Variants in LCORL observed in about 807,000 individuals in gnomAD.
LCORL encodes ligand dependent nuclear receptor corepressor like, also known as ligand-dependent nuclear receptor corepressor-like protein.
LCORL carries 41 observed loss-of-function variants against 141.8 expected under a neutral mutation model. The ratio of observed to expected loss-of-function variants is 0.29; its 90% CI spans 0.23 to 0.38. The LOEUF is 0.38. LCORL is among the 10% of genes least tolerant of loss of function. The pLI, the probability that LCORL is intolerant of heterozygous loss-of-function variation, is 1.00. For synonymous variants in LCORL, 618 were observed against 694.1 expected (o/e 0.89, Z 1.72); for missense variants, 1,759 against 2,035.0 (o/e 0.86, Z 2.61).
At chr4:17,875,089 T>G in exon 7 of LCORL, 2 of 1,233,678 alleles carry the variant, frequency 1.6e-6, no homozygotes, top group Non-Finnish European at 2.0e-6. Flanking sequence ...TCCATTTGAG[T>G]GCACTGTTGG....
In LCORL at chr4:17,867,864, T is replaced by C. The variant is rs578099642; in HGVS notation, c.5602+5524A>G. On this transcript the variant is annotated intron_variant, in intron 7 of 7. Coordinates refer to ENST00000635767, the Ensembl canonical transcript of LCORL. ...AACATCAAGACAAAGATTGTTTACC[T>C]GTTTTACATTTTCACAAAATATTAT... Among the ~76,000 whole-genome samples the C allele has an allele frequency of 7.0e-4, 106 of 152,336 alleles. No homozygotes were observed. In the Middle Eastern group the frequency reaches 0.01, roughly 15 times the overall value.
chr4:17,877,127 G>A (rs974122172), exon 7 of LCORL: 2 of 1,230,802 alleles, frequency 1.6e-6, no homozygotes. Context: ...TTCTAAACAT[G>A]GGTGAATCAG....
At chr4:17,976,759 A>G (rs1717069994) in intron 1 of LCORL, among the ~76,000 whole-genome samples, 1 of 152,158 alleles carries the variant, frequency 6.6e-6, no homozygotes, top group East Asian at 1.9e-4. Context: ...GTAGGTTGAC[A>G]GTTTTGGTAC....
exon 8 of LCORL, chr4:17,842,696 C>T: frequency 3.8e-6 from 1 of 263,074 alleles, no homozygotes; most frequent in South Asian, 4.8e-5. Context: ...TATTTGGGTT[C>T]TCTACACTTA....
chr4:17,949,770 G>C (rs1739435916), intron 4 of LCORL, among the ~76,000 whole-genome samples: 1 of 152,088 alleles, frequency 6.6e-6, no homozygotes, highest in African/African-American at 2.4e-5. Context: ...CTCAGCTGAA[G>C]AAGGCAATGA....
At chr4:17,989,754 C>A (rs908072632) in intron 1 of LCORL, among the ~76,000 whole-genome samples, 1 of 152,212 alleles carries the variant, frequency 6.6e-6, no homozygotes, top group African/African-American at 2.4e-5. Flanking sequence ...TAACAAAAGA[C>A]CACAAACTGT....
chr4:17,909,612 A>C (rs1732178017), intron 4 of LCORL, among the ~76,000 whole-genome samples: 1 of 152,168 alleles, frequency 6.6e-6, no homozygotes, highest in Non-Finnish European at 1.5e-5. Context: ...AAAGAATTAG[A>C]CATAGAAGCG....
In LCORL at chr4:17,940,300, C is replaced by G. The variant is rs865853298; in HGVS notation, c.430+21603G>C. On this transcript the variant is annotated intron_variant, in intron 4 of 7. Coordinates refer to ENST00000635767, the Ensembl canonical transcript of LCORL. ...AAGATTAAATAGTAAAGGAGGTAAA[C>G]AGAATTCTTAACTATTTTGTGCAAG... Among the ~76,000 whole-genome samples the G allele has an allele frequency of 2.7e-5, 4 of 148,430 alleles. No homozygotes were observed. In the South Asian group the frequency reaches 8.4e-4, roughly 31 times the overall value.
chr4:17,923,779 T>G (rs1249451258), intron 4 of LCORL, among the ~76,000 whole-genome samples: 1 of 152,106 alleles, frequency 6.6e-6, no homozygotes, highest in Non-Finnish European at 1.5e-5. Context: ...ATTAGTCACT[T>G]GAGACCCACT....
chr4:17,965,260 A>G (rs1714640977), intron 2 of LCORL, among the ~76,000 whole-genome samples: 2 of 152,172 alleles, frequency 1.3e-5, no homozygotes, highest in African/African-American at 4.8e-5. Flanking sequence ...TTTTTATTTT[A>G]AACCAAACAA....
intron 7 of LCORL, among the ~76,000 whole-genome samples, chr4:17,859,720 G>C (rs928026424): frequency 6.6e-6 from 1 of 152,178 alleles, no homozygotes; most frequent in African/African-American, 2.4e-5. Flanking sequence ...AAGACTTGGA[G>C]AAGAAATGCA....
intron 1 of LCORL, among the ~76,000 whole-genome samples, chr4:17,994,959 T>C (rs185340253): frequency 6.6e-6 from 1 of 152,224 alleles, no homozygotes; most frequent in African/African-American, 2.4e-5. Context: ...AATGTCACTC[T>C]GAAACCAAAG....
chr4:17,918,597 T>C (rs1421642273), intron 4 of LCORL, among the ~76,000 whole-genome samples: 8 of 152,150 alleles, frequency 5.3e-5, no homozygotes, highest in Non-Finnish European at 2.9e-5. Flanking sequence ...ACTGGTAGAT[T>C]TGACCTGGCA....
intron 4 of LCORL, among the ~76,000 whole-genome samples, chr4:17,922,232 G>A (rs961691343): frequency 6.6e-6 from 1 of 152,160 alleles, no homozygotes; most frequent in Non-Finnish European, 1.5e-5. Context: ...TAAAGATGGA[G>A]TTTTTAAGTT....
intron 1 of LCORL, among the ~76,000 whole-genome samples, chr4:18,010,731 C>A (rs575850417): frequency 6.6e-6 from 1 of 152,144 alleles, no homozygotes; most frequent in African/African-American, 2.4e-5. Context: ...GGATTACAAA[C>A]GTGAGCCACC....
chr4:17,956,956 G>C (rs1248942294), intron 4 of LCORL, among the ~76,000 whole-genome samples: 2 of 152,000 alleles, frequency 1.3e-5, no homozygotes, highest in East Asian at 1.9e-4. Context: ...ATTGGAATGA[G>C]AGTATTGGGA....
rs556565650 is a variant in LCORL, at chr4:17,987,825, ATTGAG to A, written c.155-14945_155-14941del. Among the ~76,000 whole-genome samples the A allele has an allele frequency of 2.6e-5, 4 of 152,268 alleles. No individual in the cohort carries two copies. In the South Asian group the frequency reaches 6.2e-4, roughly 24 times the overall value. On this transcript the variant is annotated intron_variant, in intron 1 of 7. Transcript: ENST00000635767. Reference sequence around the variant, plus strand: ...ATTCAAATTTTTTGCCCATTTTTCAATTGAGTTATTTGTCTTTTCATTATTGAGTT... The same window carrying A: ...ATTCAAATTTTTTGCCCATTTTTCAATTATTTGTCTTTTCATTATTGAGTT...
intron 1 of LCORL, among the ~76,000 whole-genome samples, chr4:18,013,132 T>C (rs1217427729): frequency 6.6e-6 from 1 of 152,112 alleles, no homozygotes; most frequent in Non-Finnish European, 1.5e-5. Flanking sequence ...CATCAACACG[T>C]AACAATCCCT....
At chr4:17,943,178 T>C (rs1738253194) in intron 4 of LCORL, among the ~76,000 whole-genome samples, 1 of 152,158 alleles carries the variant, frequency 6.6e-6, no homozygotes, top group African/African-American at 2.4e-5. Flanking sequence ...CAAGAGCTCA[T>C]ATATTATTCT....
Sources: gnomAD v4.1 joint callset for allele counts (sites outside exome capture counted in the v4.1 genomes callset) on GRCh38, gnomAD v4.1.1 for gene constraint, MANE v1.5 for transcripts, NCBI Gene and HGNC (gene_info 2026-07-23, HGNC 2026-07-21) for gene names.